The following KIF24 variants were observed in gnomAD, a reference collection of about 807,000 sequenced individuals.
The protein encoded by KIF24 is kinesin family member 24.
In KIF24, 81 loss-of-function variants were observed where a neutral mutation model predicts 118.9. The ratio of observed to expected loss-of-function variants is 0.68; its 90% CI spans 0.57 to 0.82. KIF24 has a LOEUF of 0.82. KIF24 is among the 40% of genes least tolerant of loss of function. The probability of loss-of-function intolerance (pLI) is 0.00; values close to 1 mark genes in which losing one functional copy is unlikely to be tolerated. For synonymous variants in KIF24, 599 were observed against 610.0 expected, an observed-to-expected ratio of 0.98 and a Z score of 0.27; for missense variants, 1,560 against 1,661.6, an observed-to-expected ratio of 0.94 and a Z score of 1.06.
At chr9:34,324,857 T>C (rs533551520) in intron 1 of KIF24, among the ~76,000 whole-genome samples, 115 of 152,316 alleles carry the variant, frequency 7.6e-4, no homozygotes, top group African/African-American at 2.6e-3. Context: ...TGTCTACCTC[T>C]TACTGATTAT....
intron 1 of KIF24, among the ~76,000 whole-genome samples, chr9:34,328,552 C>T (rs566359215): frequency 1.4e-4 from 21 of 152,258 alleles, no homozygotes; most frequent in Non-Finnish European, 2.1e-4. Context: ...ATTAGGGTGG[C>T]CTCCCCCTAG....
At chr9:34,259,825 A>T in intron 9 of KIF24, 120 bp from the exon 10 acceptor site, 1 of 646,272 alleles carries the variant, frequency 1.5e-6, no homozygotes, top group South Asian at 1.9e-5. Flanking sequence ...GGTAATTAAC[A>T]TTAACAAAAG....
intron 9 of KIF24, among the ~76,000 whole-genome samples, chr9:34,261,273 C>T (rs552500997): frequency 6.6e-6 from 1 of 152,144 alleles, no homozygotes; most frequent in Non-Finnish European, 1.5e-5. Flanking sequence ...CCACTGTGCA[C>T]AGGACACAAG....
intron 1 of KIF24, among the ~76,000 whole-genome samples, chr9:34,323,724 G>C (rs1026360868): frequency 6.6e-6 from 1 of 152,128 alleles, no homozygotes; most frequent in Non-Finnish European, 1.5e-5. Context: ...CATGGGACCA[G>C]GAATTATTTC....
At chr9:34,302,791 T>C (rs1276789539) in intron 3 of KIF24, among the ~76,000 whole-genome samples, 4 of 149,902 alleles carry the variant, frequency 2.7e-5, no homozygotes, top group East Asian at 2.0e-4. Context: ...TTTTTTTTTT[T>C]CTGAGACGGA....
At chr9:34,325,983 T>A (rs576754145) in intron 1 of KIF24, among the ~76,000 whole-genome samples, 61 of 152,346 alleles carry the variant, frequency 4.0e-4, no homozygotes, top group Non-Finnish European at 8.4e-4. Flanking sequence ...GGAAACTTTA[T>A]CCAATCTTCA....
intron 2 of KIF24, 119 bp downstream of exon 2, chr9:34,310,605 T>C: frequency 1.5e-6 from 1 of 648,516 alleles, no homozygotes; most frequent in Non-Finnish European, 2.5e-6. Flanking sequence ...TCATGATAAT[T>C]TCTGTTATAT....
At chr9:34,269,209 G>GCAGTCTTT in intron 8 of KIF24, 48 bp downstream of exon 8, 1 of 1,072,532 alleles carries the variant, frequency 9.3e-7, no homozygotes, top group Middle Eastern at 2.0e-4. Flanking sequence ...TATGTAATGG[G>GCAGTCTTT]CAGTCTTTCA....
chr9:34,266,666 A>G (rs1474510614), intron 8 of KIF24, among the ~76,000 whole-genome samples: 1 of 149,616 alleles, frequency 6.7e-6, no homozygotes, highest in Non-Finnish European at 1.5e-5. Context: ...CAACAGTGTG[A>G]GACTCCATCT....
chr9:34,271,325 CAA>C (rs58895274), intron 7 of KIF24, among the ~76,000 whole-genome samples: 56,492 of 106,950 alleles, frequency 0.53, 13,086 homozygotes, highest in South Asian at 0.67. Context: ...AGCAATCCAG[CAA>C]AAAAAAAAAA....
chr9:34,275,511 C>T (rs7870075), intron 6 of KIF24, among the ~76,000 whole-genome samples: 13 of 151,742 alleles, frequency 8.6e-5, no homozygotes, highest in Admixed American at 4.6e-4. Context: ...GACCAGCCTG[C>T]GCAACAAAGC....
At chr9:34,295,031 T>C (rs1299900880) in intron 4 of KIF24, among the ~76,000 whole-genome samples, 1 of 152,186 alleles carries the variant, frequency 6.6e-6, no homozygotes, top group Non-Finnish European at 1.5e-5. Flanking sequence ...TAAAAAGTTG[T>C]TTGAAAAAAC....
intron 3 of KIF24, among the ~76,000 whole-genome samples, chr9:34,301,454 T>C (rs1287533358): frequency 6.6e-6 from 1 of 152,186 alleles, no homozygotes; most frequent in Non-Finnish European, 1.5e-5. Flanking sequence ...TTCGCTATGA[T>C]AGCCAGGCTG....
chr9:34,292,017 T>C (rs934116485), intron 4 of KIF24, among the ~76,000 whole-genome samples: 3 of 152,172 alleles, frequency 2.0e-5, no homozygotes, highest in African/African-American at 7.2e-5. Context: ...AACAGTTGTG[T>C]TGAATTTCAC....
intron 6 of KIF24, among the ~76,000 whole-genome samples, chr9:34,284,547 G>C (rs1280494406): frequency 6.6e-6 from 1 of 152,058 alleles, no homozygotes; most frequent in Non-Finnish European, 1.5e-5. Context: ...AACCTCAATG[G>C]AACTGAAAAG....
At position 34,297,917 on chromosome 9, in the gene KIF24, C is replaced by T. The variant is rs560574564; in HGVS notation, c.814-803G>A. ...AGGGGCCCAAGGATATAGACATTACCCTAGCATTTCCCTATCTTACCTCCT... is the reference window on the plus strand; with the variant it reads ...AGGGGCCCAAGGATATAGACATTACTCTAGCATTTCCCTATCTTACCTCCT... On this transcript the variant is annotated intron_variant, in intron 3 of 12. Coordinates refer to ENST00000402558, the MANE Select transcript of KIF24 (RefSeq NM_194313.4). Among the ~76,000 whole-genome samples the T allele has an allele frequency of 3.5e-3, 528 of 152,142 alleles. 3 individuals carry two copies. Among genetic ancestry groups the T allele is most frequent in the South Asian group, 6.0e-3 (29 of 4,810 alleles).
chr9:34,308,441 G>A (rs753433554), intron 2 of KIF24, among the ~76,000 whole-genome samples: 5 of 151,880 alleles, frequency 3.3e-5, no homozygotes, highest in Non-Finnish European at 7.4e-5. Context: ...CTGCCATGAC[G>A]CTCTGCTAAT....
chr9:34,279,654 G>C (rs1835774330), intron 6 of KIF24, among the ~76,000 whole-genome samples: 1 of 152,240 alleles, frequency 6.6e-6, no homozygotes, highest in Admixed American at 6.5e-5. Flanking sequence ...GGCAGGCCAT[G>C]CCTGAGTAAT....
intron 1 of KIF24, among the ~76,000 whole-genome samples, chr9:34,320,658 C>A (rs1480981336): frequency 3.1e-3 from 169 of 54,410 alleles, no homozygotes; most frequent in African/African-American, 6.0e-3. Context: ...AACTCCTTCT[C>A]AAAAAAAAAA....
Sources: allele counts gnomAD v4.1 joint callset (sites outside exome capture counted in the v4.1 genomes callset), GRCh38; gene constraint gnomAD v4.1.1; transcripts MANE v1.5; gene names NCBI Gene and HGNC (gene_info 2026-07-23, HGNC 2026-07-21).